The following NUGGC variants were observed in gnomAD, a reference collection of about 807,000 sequenced individuals.
The protein encoded by NUGGC is nuclear GTPase, germinal center associated.
Under a neutral mutation model 92.6 loss-of-function variants are expected in NUGGC, and 58 were observed. The observed-to-expected ratio is 0.63, with a 90% CI of 0.51 to 0.78. The LOEUF (loss-of-function observed/expected upper bound fraction) is 0.78, where lower values mean the gene tolerates loss of function less well. Among genes scored for constraint, NUGGC ranks in the 30% least tolerant of loss-of-function variants. The pLI is 0.00. For synonymous variants in NUGGC, 376 were observed against 366.4 expected (o/e 1.03, Z -0.30); for missense variants, 925 against 964.6 (o/e 0.96, Z 0.54).
chr8:28,074,374 G>A lies in NUGGC; in HGVS notation c.37C>T (p.His13Tyr). ...GATACTGCAAAGATGTTACCTGGAT[G>A]CGGTTCCTGGCCAAAAACATCCTTC... is the stretch of plus-strand genomic sequence containing the variant. ...ETKDVFGQEP[H>Y]PVEDDLYKER... Residue 13 changes from histidine (H) to tyrosine (Y), a missense_variant, in exon 2 of 19, where the codon CAT becomes TAT. By Grantham distance (83) the His-to-Tyr change is moderately conservative. Coordinates refer to ENST00000413272, the MANE Select transcript of NUGGC (RefSeq NM_001010906.2). The A allele has an allele frequency of 6.2e-7, 1 of 1,611,670 alleles. No homozygotes were observed. Among genetic ancestry groups the A allele is most frequent in the Non-Finnish European group, 8.5e-7 (1 of 1,177,890 alleles).
chr8:28,034,859 T>C (rs992165304), intron 13 of NUGGC, among the ~76,000 whole-genome samples: 1 of 152,180 alleles, frequency 6.6e-6, no homozygotes, highest in Non-Finnish European at 1.5e-5. Context: ...CCATTTAATA[T>C]AGTATCATAT....
chr8:28,023,894 C>T (rs953147783), intron 18 of NUGGC, among the ~76,000 whole-genome samples: 3 of 152,076 alleles, frequency 2.0e-5, no homozygotes, highest in Non-Finnish European at 4.4e-5. Flanking sequence ...AAACCATGTT[C>T]TCACAATGGT....
At chr8:28,046,087 C>A (rs566904853) in intron 11 of NUGGC, among the ~76,000 whole-genome samples, 2 of 152,126 alleles carry the variant, frequency 1.3e-5, no homozygotes, top group Non-Finnish European at 2.9e-5. Context: ...TAGAAAGGAA[C>A]AAGAACCTCT....
Position 28,062,356 on chromosome 8 carries a change from C to T in NUGGC, c.922-1755G>A, listed in dbSNP as rs540081852. Reference sequence around the variant, plus strand: ...GCTCTGGGCCAGATGTGGTGGCTCACGCCTGTAATCCCAACATTTTGGGAG... The same window carrying T: ...GCTCTGGGCCAGATGTGGTGGCTCATGCCTGTAATCCCAACATTTTGGGAG... On this transcript the variant is annotated intron_variant, in intron 7 of 18. Coordinates refer to ENST00000413272, the MANE Select transcript of NUGGC (RefSeq NM_001010906.2). 8.5e-5 allele frequency among the ~76,000 whole-genome samples: 13 copies of T among 152,106 alleles called. 1 individual carries two copies. The highest frequency in any genetic ancestry group is 6.2e-4 in the South Asian group (3 of 4,810).
rs1339108974 is a variant in NUGGC, at chr8:28,023,119, C to T, written c.*198G>A. On this transcript the variant is annotated 3_prime_UTR_variant, in exon 19 of 19. Transcript: ENST00000413272. ...CAGGTGTGGTGGCCTGTACCTGTAG[C>T]CCCAGCTGCTCTGGAGGCTGAGGCT... 2 of 539,588 alleles carry T rather than the reference C, an allele frequency of 3.7e-6. No individual in the cohort carries two copies. The highest frequency in any genetic ancestry group is 6.3e-6 in the Non-Finnish European group (2 of 315,024). The allele number at this position is 539,588 out of a possible 1,614,324, so 33.4% of individuals were successfully genotyped here.
chr8:28,080,268 C>G (rs1008933180), intron 1 of NUGGC, among the ~76,000 whole-genome samples: 1 of 152,122 alleles, frequency 6.6e-6, no homozygotes, highest in Admixed American at 6.6e-5. Flanking sequence ...TGAAGACACC[C>G]TCAGAAGTAA....
Position 28,029,332 on chromosome 8 carries a change from C to T in NUGGC, c.2088G>A (p.Arg696=), listed in dbSNP as rs1321417823. 5.0e-6 allele frequency: 8 copies of T among 1,610,962 alleles called. No individual in the cohort carries two copies. Among genetic ancestry groups the T allele is most frequent in the Non-Finnish European group, 5.9e-6 (7 of 1,178,636 alleles). The change falls in exon 17 of 19, where the codon CGG becomes CGA. Residue 696 remains arginine (R), a synonymous_variant. Coordinates refer to ENST00000413272, the MANE Select transcript of NUGGC (RefSeq NM_001010906.2). The stretch of plus-strand genomic sequence containing the variant: ...TTTCAAACATGCCCTCAGCCACCTG[C>T]CGGTCCACTCCTCTTCTGATGGCAT... ...MKDAIRRGVD[R]QVAEGMFERA... is the part of the protein sequence containing the mutation.
At chr8:28,072,816 C>T (rs1810621935) in intron 2 of NUGGC, among the ~76,000 whole-genome samples, 1 of 151,756 alleles carries the variant, frequency 6.6e-6, no homozygotes, top group African/African-American at 2.4e-5. Flanking sequence ...TATTCTTGTC[C>T]ATCGCTCAAG....
At chr8:28,054,184 G>A (rs1253282570) in intron 10 of NUGGC, among the ~76,000 whole-genome samples, 1 of 152,054 alleles carries the variant, frequency 6.6e-6, no homozygotes, top group African/African-American at 2.4e-5. Context: ...TTTTATAGTT[G>A]TACAAGACTA....
At position 28,034,430 on chromosome 8, in the gene NUGGC, C is replaced by T. The variant is rs1001272786; in HGVS notation, c.1612-733G>A. Among the ~76,000 whole-genome samples the T allele has an allele frequency of 3.9e-5, 6 of 152,206 alleles. No homozygotes were observed. The South Asian group carries it at 8.3e-4, about 21-fold the overall frequency. On this transcript the variant is annotated intron_variant, in intron 13 of 18. Transcript: ENST00000413272. Reference sequence around the variant, plus strand: ...AATGATATACGTTTTAAGGGAATGGCCACATAGCATTGTACAATTGGTATA... The same window carrying T: ...AATGATATACGTTTTAAGGGAATGGTCACATAGCATTGTACAATTGGTATA...
intron 15 of NUGGC, 34 bp downstream of exon 15, chr8:28,031,209 C>A (rs1299599758): frequency 1.2e-6 from 2 of 1,613,060 alleles, no homozygotes; most frequent in South Asian, 1.1e-5. Context: ...CCATGCCCAA[C>A]CTCACTGCTC....
intron 10 of NUGGC, 64 bp downstream of exon 10, chr8:28,055,901 A>G: frequency 1.1e-6 from 1 of 897,056 alleles, no homozygotes; most frequent in Non-Finnish European, 1.8e-6. Context: ...CCAGGCATAC[A>G]TTTGTCTCCC....
At chr8:28,023,822 ACC>A (rs1456041370) in intron 18 of NUGGC, among the ~76,000 whole-genome samples, 1 of 151,900 alleles carries the variant, frequency 6.6e-6, no homozygotes, top group Non-Finnish European at 1.5e-5. Context: ...TCCCAGCACA[ACC>A]CATTCTCAGT....
intron 1 of NUGGC, among the ~76,000 whole-genome samples, chr8:28,079,535 T>TA (rs1186316103): frequency 1.3e-4 from 19 of 151,936 alleles, no homozygotes; most frequent in East Asian, 3.9e-4. Context: ...GATTTCGTCT[T>TA]AAAAAAAAGA....
At chr8:28,067,466 G>T in intron 6 of NUGGC, 48 bp downstream of exon 6, 2 of 1,240,388 alleles carry the variant, frequency 1.6e-6, no homozygotes, top group South Asian at 2.6e-5. Flanking sequence ...TCAACTGTTA[G>T]ACTTGAGACC....
intron 13 of NUGGC, among the ~76,000 whole-genome samples, chr8:28,040,795 C>A (rs927663529): frequency 1.3e-5 from 2 of 152,058 alleles, no homozygotes; most frequent in Non-Finnish European, 2.9e-5. Context: ...GACAGGCACA[C>A]GCCACCACAC....
chr8:28,026,291 C>A (rs75628392), intron 18 of NUGGC, among the ~76,000 whole-genome samples: 1,959 of 152,264 alleles, frequency 0.013, 37 homozygotes, highest in African/African-American at 0.043. Context: ...GGTTGCTGCG[C>A]CAAATGATAT....
intron 1 of NUGGC, among the ~76,000 whole-genome samples, chr8:28,080,627 A>T (rs1253305669): frequency 6.6e-6 from 1 of 152,120 alleles, no homozygotes; most frequent in Non-Finnish European, 1.5e-5. Flanking sequence ...GATAGATATA[A>T]TTTTTTGTAT....
intron 13 of NUGGC, among the ~76,000 whole-genome samples, chr8:28,038,289 G>T (rs2130111021): frequency 6.6e-6 from 1 of 152,240 alleles, no homozygotes; most frequent in African/African-American, 2.4e-5. Context: ...TTTTATTATA[G>T]TTCCCCAAAT....
Sources: gnomAD v4.1 joint callset for allele counts (sites outside exome capture counted in the v4.1 genomes callset) on GRCh38, gnomAD v4.1.1 for gene constraint, MANE v1.5 for transcripts, NCBI Gene and HGNC (gene_info 2026-07-23, HGNC 2026-07-21) for gene names.